The following SPATA6L variants were observed in gnomAD, a reference collection of about 807,000 sequenced individuals.
SPATA6L encodes the protein spermatogenesis associated 6 like.
In SPATA6L, 68 loss-of-function variants were observed where a neutral mutation model predicts 49.2. That is an observed-to-expected ratio of 1.38 (90% CI 1.14 to 1.69). SPATA6L has a LOEUF of 1.69. Ranked by LOEUF, SPATA6L falls within the 40% of genes most tolerant of loss-of-function variation. SPATA6L has a pLI of 0.00. For synonymous variants in SPATA6L, 198 were observed against 165.7 expected, an observed-to-expected ratio of 1.19 and a Z score of -1.50; for missense variants, 668 against 464.3, an observed-to-expected ratio of 1.44 and a Z score of -4.03.
chr9:4,638,410 A>G (rs1833275012), intron 3 of SPATA6L, among the ~76,000 whole-genome samples: 1 of 152,078 alleles, frequency 6.6e-6, no homozygotes, highest in Non-Finnish European at 1.5e-5. Flanking sequence ...ACGGGGTTTC[A>G]CCACGTTGGC....
chr9:4,666,330 T>C lies in SPATA6L; in HGVS notation c.-80A>G. ...TTGGACCAATTTTTCTTAGTTTAGC[T>C]GAATACCTAGAGCAAATGTTCCCAG... On this transcript the variant is annotated 5_prime_UTR_variant, in exon 1 of 12. Coordinates refer to ENST00000682582, the MANE Select transcript of SPATA6L (RefSeq NM_001353486.2). 1 of 1,459,348 alleles carries C rather than the reference T, an allele frequency of 6.9e-7. No individual in the cohort carries two copies. Among genetic ancestry groups the C allele is most frequent in the Non-Finnish European group, 9.6e-7 (1 of 1,042,908 alleles). The allele number at this position is 1,459,348 out of a possible 1,614,324, so 90.4% of individuals were successfully genotyped here.
At chr9:4,618,236 T>C in intron 8 of SPATA6L, 126 bp from the exon 9 acceptor site, 1 of 698,926 alleles carries the variant, frequency 1.4e-6, no homozygotes, top group East Asian at 2.8e-5. Flanking sequence ...CCCAGGGATC[T>C]CCTGCAAATA....
chr9:4,592,000 G>A (rs141605522), intron 13 of SPATA6L, among the ~76,000 whole-genome samples: 141 of 152,234 alleles, frequency 9.3e-4, no homozygotes, highest in South Asian at 2.5e-3. Flanking sequence ...CAAGTGGGAT[G>A]TCCTGAGCCC....
intron 5 of SPATA6L, chr9:4,626,931 G>C: frequency 1.3e-5 from 2 of 154,816 alleles, no homozygotes; most frequent in South Asian, 4.0e-4. Context: ...TGTGATGTGT[G>C]TACAGAATAT....
Position 4,618,180 on chromosome 9 carries a change from G to T in SPATA6L, c.808-70C>A, listed in dbSNP as rs939418971. ...TGCTTAATTTAGAGCTGGGGGTGGG[G>T]GTTGGACAAGGAAGATAACTCGGGC... On this transcript the variant is annotated intron_variant, in intron 8 of 11. Coordinates refer to ENST00000682582, the MANE Select transcript of SPATA6L (RefSeq NM_001353486.2). 1.1e-5 allele frequency: 15 copies of T among 1,362,270 alleles called. No homozygotes were observed. In the Admixed American group the frequency reaches 1.5e-4, roughly 14 times the overall value. 84.4% of individuals were successfully genotyped at this position (1,362,270 alleles called of 1,614,324 possible).
intron 9 of SPATA6L, among the ~76,000 whole-genome samples, chr9:4,612,878 T>C (rs1178706678): frequency 1.3e-5 from 2 of 152,100 alleles, no homozygotes; most frequent in South Asian, 2.1e-4. Flanking sequence ...AAAGTGTACA[T>C]AGCAATTTGA....
intron 3 of SPATA6L, among the ~76,000 whole-genome samples, chr9:4,644,616 G>C (rs1042676017): frequency 6.6e-6 from 1 of 151,526 alleles, no homozygotes; most frequent in Non-Finnish European, 1.5e-5. Flanking sequence ...GCAGAAATGC[G>C]TAATAGCAGA....
Position 4,662,943 on chromosome 9 carries a change from C to A in SPATA6L, c.40-907G>T, listed in dbSNP as rs770812814. The A allele has an allele frequency of 1.8e-5, 29 of 1,611,490 alleles. 1 individual carries two copies. In the South Asian group the frequency reaches 2.9e-4, roughly 16 times the overall value. On this transcript the variant is annotated intron_variant, in intron 1 of 11. Transcript: ENST00000682582. The surrounding 1 kb of genome is among the most constrained non-coding windows in gnomAD (Gnocchi z 4.9). The stretch of plus-strand genomic sequence containing the variant: ...CTTGATCAAAGGGCTGGTCCGCAGG[C>A]GCCGCCCGGCCCACAACCAGATGGA...
chr9:4,659,222 G>C (rs1839019964), intron 2 of SPATA6L, among the ~76,000 whole-genome samples: 1 of 152,144 alleles, frequency 6.6e-6, no homozygotes, highest in South Asian at 2.1e-4. Flanking sequence ...TACAACCTTA[G>C]CCCTTCAGAA....
At chr9:4,634,021 A>G (rs182973411) in intron 4 of SPATA6L, among the ~76,000 whole-genome samples, 262 of 152,336 alleles carry the variant, frequency 1.7e-3, no homozygotes, top group Non-Finnish European at 3.2e-3. Context: ...TATAAATACA[A>G]CCTCCTATAG....
At chr9:4,625,293 T>C (rs1830125949) in intron 6 of SPATA6L, 34 bp downstream of exon 6, 1 of 1,596,908 alleles carries the variant, frequency 6.3e-7, no homozygotes, top group African/African-American at 1.3e-5. Context: ...TCCTCACTAT[T>C]GCAAAATGCT....
intron 3 of SPATA6L, chr9:4,646,457 A>C: frequency 1.4e-6 from 2 of 1,472,520 alleles, no homozygotes; most frequent in South Asian, 2.8e-5. Flanking sequence ...ATATTAAGCT[A>C]ATTTAGAAAC....
chr9:4,620,944 G>T (rs902812558), intron 7 of SPATA6L, among the ~76,000 whole-genome samples: 2 of 152,228 alleles, frequency 1.3e-5, no homozygotes, highest in Admixed American at 1.3e-4. Context: ...CAGAGGTGAT[G>T]AAGCACATTC....
chr9:4,650,177 T>G (rs1836466030), intron 3 of SPATA6L, among the ~76,000 whole-genome samples: 1 of 152,224 alleles, frequency 6.6e-6, no homozygotes, highest in African/African-American at 2.4e-5. Context: ...AACTCTTCAA[T>G]CTACCTGGTA....
intron 13 of SPATA6L, among the ~76,000 whole-genome samples, chr9:4,592,582 G>C (rs1291123141): frequency 3.3e-5 from 5 of 152,168 alleles, no homozygotes; most frequent in African/African-American, 9.7e-5. Context: ...TCTTCACCAG[G>C]CATTGTAAGG....
intron 9 of SPATA6L, among the ~76,000 whole-genome samples, chr9:4,617,678 G>A (rs1828319055): frequency 6.6e-6 from 1 of 152,026 alleles, no homozygotes; most frequent in Admixed American, 6.5e-5. Flanking sequence ...TTAAATTTAT[G>A]ACAAATAAAA....
intron 11 of SPATA6L, among the ~76,000 whole-genome samples, chr9:4,601,229 C>T (rs1325321757): frequency 6.6e-6 from 1 of 151,850 alleles, no homozygotes; most frequent in Admixed American, 6.6e-5. Context: ...CCCTCACTCC[C>T]TTCTTTCTTC....
At chr9:4,595,363 C>T (rs537593084), downstream of SPATA6L, among the ~76,000 whole-genome samples, 1 of 152,226 alleles carries the variant, frequency 6.6e-6, no homozygotes, top group African/African-American at 2.4e-5. Context: ...GGTTCTATTG[C>T]CCTAATTTTC....
chr9:4,662,999 C>T lies in SPATA6L; in HGVS notation c.40-963G>A, dbSNP rs142236109. On this transcript the variant is annotated intron_variant, in intron 1 of 11. Coordinates refer to ENST00000682582, the MANE Select transcript of SPATA6L (RefSeq NM_001353486.2). The surrounding 1 kb of genome is among the most constrained non-coding windows in gnomAD (Gnocchi z 4.9). ...TTGTCACTCTCTCGGTGGACAAGTACTCCTTCCCCTCGGGCCATGCCACAA... is the reference window on the plus strand; with the variant it reads ...TTGTCACTCTCTCGGTGGACAAGTATTCCTTCCCCTCGGGCCATGCCACAA... 37 of 1,610,412 alleles carry T rather than the reference C, an allele frequency of 2.3e-5. No individual in the cohort carries two copies. In the African/African-American group the frequency reaches 3.8e-4, roughly 17 times the overall value.
Sources: gnomAD v4.1 joint callset for allele counts (sites outside exome capture counted in the v4.1 genomes callset) on GRCh38, gnomAD v4.1.1 for gene constraint, Gnocchi (gnomAD v3.1) non-coding constraint, MANE v1.5 for transcripts, NCBI Gene and HGNC (gene_info 2026-07-23, HGNC 2026-07-21) for gene names.